The following RAET1E variants were observed in gnomAD, a reference collection of about 807,000 sequenced individuals.
The protein encoded by RAET1E is retinoic acid early transcript 1E.
Under a neutral mutation model 21.1 loss-of-function variants are expected in RAET1E, and 27 were observed. That is an observed-to-expected ratio of 1.28 (90% CI 0.94 to 1.76). RAET1E has a LOEUF of 1.76. Ranked by LOEUF, RAET1E falls within the 40% of genes most tolerant of loss-of-function variation. RAET1E has a pLI of 0.00. For missense variants in RAET1E, 310 were observed against 311.3 expected, an observed-to-expected ratio of 1.00 and a Z score of 0.03; for synonymous variants, 113 against 115.0, an observed-to-expected ratio of 0.98 and a Z score of 0.11.
Position 149,888,284 on chromosome 6 carries a change from C to T in RAET1E, c.*214G>A, listed in dbSNP as rs907500817. The T allele has an allele frequency of 2.1e-4, 152 of 723,172 alleles. No homozygotes were observed. The highest frequency in any genetic ancestry group is 2.4e-4 in the Middle Eastern group (1 of 4,204). 44.8% of individuals were successfully genotyped at this position (723,172 alleles called of 1,614,324 possible). ...TGGGCCGGATGGCAAGGAGACAACACCCCAGGCAGGCGTTCCAGATCTTTG... is the reference window on the plus strand; with the variant it reads ...TGGGCCGGATGGCAAGGAGACAACATCCCAGGCAGGCGTTCCAGATCTTTG... On this transcript the variant is annotated 3_prime_UTR_variant, in exon 6 of 6. Transcript: ENST00000357183.
rs1777510035 is a variant in RAET1E at position 149,884,197 on chromosome 6, C to T, written c.*4301G>A. 1 of 396,838 alleles carries T rather than the reference C, an allele frequency of 2.5e-6. No individual in the cohort carries two copies. Among genetic ancestry groups the T allele is most frequent in the Non-Finnish European group, 4.7e-6 (1 of 213,660 alleles). 24.6% of individuals were successfully genotyped at this position (396,838 alleles called of 1,614,324 possible). A position where few individuals can be genotyped will look rare whatever the true frequency, so the allele number is the denominator to read the frequency against. On this transcript the variant is annotated 3_prime_UTR_variant, in exon 6 of 6. Transcript: ENST00000357183. ...CACGAGCAAAGGCTCACTGCAGCTT[C>T]AGATTCCTGGGCTCAAGTGATCCTC...
Position 149,884,487 on chromosome 6 carries a change from T to C in RAET1E, c.*4011A>G, listed in dbSNP as rs1216407761. The C allele has an allele frequency of 2.0e-6, 3 of 1,535,964 alleles. No individual in the cohort carries two copies. The highest frequency in any genetic ancestry group is 2.4e-5 in the East Asian group (1 of 40,892). ...AACTCTGCGCCGCCGTGGTATCACC[T>C]CTAGGTGGATCTTCTGCCTTTAGGA... On this transcript the variant is annotated 3_prime_UTR_variant, in exon 6 of 6. Coordinates refer to ENST00000357183, the MANE Select transcript of RAET1E (RefSeq NM_001394057.1).
chr6:149,891,076 T>A, intron 2 of RAET1E, 42 bp from the exon 3 acceptor site: 1 of 548,924 alleles, frequency 1.8e-6, no homozygotes, highest in Non-Finnish European at 3.3e-6. Context: ...GAAGAGAGTG[T>A]TTTCCAAGTA....
At chr6:149,895,797 T>C (rs1319722629) in intron 2 of RAET1E, 49 bp downstream of exon 2, 1 of 152,262 alleles carries the variant, frequency 6.6e-6, no homozygotes, top group Non-Finnish European at 1.5e-5. Flanking sequence ...TTCAGGCTGC[T>C]ACAACAGAAT....
At position 149,888,251 on chromosome 6, in the gene RAET1E, A is replaced by T; in HGVS notation, c.*247T>A. Reference sequence around the variant, plus strand: ...AACAAACTTTCCGTCAAAGAGCTGGATGAAACCTGGGCCGGATGGCAAGGA... The same window carrying T: ...AACAAACTTTCCGTCAAAGAGCTGGTTGAAACCTGGGCCGGATGGCAAGGA... On this transcript the variant is annotated 3_prime_UTR_variant, in exon 6 of 6. Coordinates refer to ENST00000357183, the MANE Select transcript of RAET1E (RefSeq NM_001394057.1). 1 of 704,850 alleles carries T rather than the reference A, an allele frequency of 1.4e-6. No homozygotes were observed. 43.7% of individuals were successfully genotyped at this position (704,850 alleles called of 1,614,324 possible). A position where few individuals can be genotyped will look rare whatever the true frequency, so the allele number is the denominator to read the frequency against.
intron 1 of RAET1E, among the ~76,000 whole-genome samples, chr6:149,897,411 C>A (rs188229681): frequency 3.9e-4 from 60 of 152,296 alleles, no homozygotes; most frequent in Non-Finnish European, 7.9e-4. Flanking sequence ...TCCCTGGAAG[C>A]CCGTTGCTAT....
Position 149,884,857 on chromosome 6 carries a change from A to G in RAET1E, c.*3641T>C, listed in dbSNP as rs999184608. Among the ~76,000 whole-genome samples the G allele has an allele frequency of 6.6e-6, 1 of 152,144 alleles. No individual in the cohort carries two copies. Among genetic ancestry groups the G allele is most frequent in the Non-Finnish European group, 1.5e-5 (1 of 68,014 alleles). ...TGAGGGTGGGGCTTGGCACGACGCC[A>G]TTTGCCAGGATTCCTGTGTCAGGGG... On this transcript the variant is annotated 3_prime_UTR_variant, in exon 6 of 6. Transcript: ENST00000357183.
chr6:149,892,267 C>T (rs149201122), intron 2 of RAET1E, among the ~76,000 whole-genome samples: 200 of 152,272 alleles, frequency 1.3e-3, no homozygotes, highest in African/African-American at 4.5e-3. Context: ...GTTCTAGATC[C>T]GTAAGGAATT....
At position 149,884,324 on chromosome 6, in the gene RAET1E, G is replaced by T; in HGVS notation, c.*4174C>A. On this transcript the variant is annotated 3_prime_UTR_variant, in exon 6 of 6. Coordinates refer to ENST00000357183, the MANE Select transcript of RAET1E (RefSeq NM_001394057.1). ...CTGAAAAAAAATTTTTTTTTTTTGA[G>T]ACGGAGTCTTGCTCTGTTGCCAAGA... 1.6e-6 allele frequency: 1 copy of T among 625,928 alleles called. No individual in the cohort carries two copies. The highest frequency in any genetic ancestry group is 2.7e-6 in the Non-Finnish European group (1 of 369,066). The allele number at this position is 625,928 out of a possible 1,614,324, so 38.8% of individuals were successfully genotyped here.
chr6:149,893,286 T>G (rs1241348056), intron 2 of RAET1E, among the ~76,000 whole-genome samples: 1 of 152,184 alleles, frequency 6.6e-6, no homozygotes, highest in Non-Finnish European at 1.5e-5. Flanking sequence ...ATAAATTACT[T>G]TGGGCAGTAT....
At chr6:149,897,738 C>G (rs537714376) in intron 1 of RAET1E, among the ~76,000 whole-genome samples, 1 of 152,200 alleles carries the variant, frequency 6.6e-6, no homozygotes, top group East Asian at 1.9e-4. Flanking sequence ...CCCTGTCCCC[C>G]AAATTGGAGA....
chr6:149,888,480 T>A lies in RAET1E; in HGVS notation c.*18A>T. ...TTGGATGAGACCCATGATTCACCTCTCTTGAGTCCTTACCAGACTAAGACG... is the reference window on the plus strand; with the variant it reads ...TTGGATGAGACCCATGATTCACCTCACTTGAGTCCTTACCAGACTAAGACG... On this transcript the variant is annotated 3_prime_UTR_variant, in exon 6 of 6. Coordinates refer to ENST00000357183, the MANE Select transcript of RAET1E (RefSeq NM_001394057.1). 1 of 1,608,460 alleles carries A rather than the reference T, an allele frequency of 6.2e-7. No homozygotes were observed. The highest frequency in any genetic ancestry group is 8.5e-7 in the Non-Finnish European group (1 of 1,177,462).
rs1476936366 is a variant in RAET1E, at chr6:149,885,477, T to TC, written c.*3020dup. 1 of 151,952 alleles carries TC rather than the reference T, an allele frequency of 6.6e-6. No homozygotes were observed. The highest frequency in any genetic ancestry group is 2.4e-5 in the African/African-American group (1 of 41,336). The allele number at this position is 151,952 out of a possible 1,614,324, so 9.4% of individuals were successfully genotyped here. On this transcript the variant is annotated 3_prime_UTR_variant, in exon 6 of 6. Transcript: ENST00000357183. ...TGTCTATGGTGAGATTTGGCAGGGG[T>TC]CTTGGGGAGACTTAGCAACCTCATT...
Position 149,888,605 on chromosome 6 carries a change from T to C in RAET1E, c.685A>G (p.Ile229Val). 1 of 1,606,526 alleles carries C rather than the reference T, an allele frequency of 6.2e-7. No homozygotes were observed. The part of the protein sequence containing the change: ...SSSSLPDRWI[I>V]LGAFILLVLM... ...ACTAACAGGATGAATGCCCCCAGGA[T>C]GATCCATCTATCTGGTAGACTAGAA... Residue 229 changes from isoleucine (I) to valine (V), a missense_variant, in exon 6 of 6, where the codon ATC (isoleucine) becomes GTC (valine). Coordinates refer to ENST00000357183, the MANE Select transcript of RAET1E (RefSeq NM_001394057.1).
intron 3 of RAET1E, 92 bp downstream of exon 3, chr6:149,890,725 T>A: frequency 1.2e-6 from 1 of 844,836 alleles, no homozygotes; most frequent in Admixed American, 1.8e-5. Flanking sequence ...GGCACCCACT[T>A]GTCTGAAGCC....
Position 149,889,346 on chromosome 6 carries a change from A to G in RAET1E, c.622+2T>C. The G allele has an allele frequency of 6.2e-7, 1 of 1,613,944 alleles. No individual in the cohort carries two copies. Among genetic ancestry groups the G allele is most frequent in the Non-Finnish European group, 8.5e-7 (1 of 1,179,950 alleles). ...CCACATTCTCCCACCCAGCTCAGTT[A>G]CCTGTCGGTTCTGGCATTGCCTCCC... On this transcript the variant is annotated splice_donor_variant, in intron 5 of 5. Transcript: ENST00000357183. LOFTEE classifies it high-confidence loss of function.
At position 149,889,096 on chromosome 6, in the gene RAET1E, T is replaced by C. The variant is rs577520358; in HGVS notation, c.622+252A>G. ...ATGACACAGATAGACTTGGGACCAT[T>C]TAGCAGTGGGTCATTGTGACTGGAT... On this transcript the variant is annotated intron_variant, in intron 5 of 5. Transcript: ENST00000357183. 1,014 of 1,416,352 alleles carry C rather than the reference T, an allele frequency of 7.2e-4. 2 individuals carry two copies. The highest frequency in any genetic ancestry group is 8.7e-4 in the Non-Finnish European group (945 of 1,090,972). 87.7% of individuals were successfully genotyped at this position (1,416,352 alleles called of 1,614,324 possible).
At chr6:149,891,554 T>C (rs939130042) in intron 2 of RAET1E, among the ~76,000 whole-genome samples, 1 of 151,962 alleles carries the variant, frequency 6.6e-6, no homozygotes, top group Non-Finnish European at 1.5e-5. Context: ...GAGTGTCTAC[T>C]ACATGTATCA....
chr6:149,894,403 CAGGTA>C (rs1266741714), intron 2 of RAET1E, among the ~76,000 whole-genome samples: 1 of 152,212 alleles, frequency 6.6e-6, no homozygotes, highest in African/African-American at 2.4e-5. Context: ...CTGTCACTTT[CAGGTA>C]CACCAATCAA....
Sources: gnomAD v4.1 joint callset for allele counts (sites outside exome capture counted in the v4.1 genomes callset) on GRCh38, gnomAD v4.1.1 for gene constraint, MANE v1.5 for transcripts, NCBI Gene and HGNC (gene_info 2026-07-23, HGNC 2026-07-21) for gene names.